AKAP19: variants seen among roughly 807,000 people sequenced by gnomAD.
AKAP19 encodes A-kinase anchoring protein 19, also known as small A-kinase anchoring protein.
At chr2:190,013,347 G>A in the AKAP19 span, among the ~76,000 whole-genome samples, 1 of 152,048 alleles carries the variant, frequency 6.6e-6, no homozygotes, top group African/African-American at 2.4e-5. Context: ...TAGGTTGTAT[G>A]TGTCTAGGAA....
the AKAP19 span, among the ~76,000 whole-genome samples, chr2:189,940,801 G>A: frequency 6.6e-6 from 1 of 152,052 alleles, no homozygotes; most frequent in East Asian, 1.9e-4. Context: ...TGAGGCAGGA[G>A]AGTGGCATGA....
the AKAP19 span, among the ~76,000 whole-genome samples, chr2:190,126,681 G>A: frequency 6.6e-6 from 1 of 151,852 alleles, no homozygotes; most frequent in Admixed American, 6.6e-5. Context: ...CACATTATTA[G>A]GACTTTAGGT....
chr2:189,960,251 GGA>G, the AKAP19 span, among the ~76,000 whole-genome samples: 1 of 152,046 alleles, frequency 6.6e-6, no homozygotes, highest in Admixed American at 6.6e-5. Flanking sequence ...GGTTTCTGAG[GGA>G]GAATATACAT....
At chr2:190,087,151 A>C in the AKAP19 span, among the ~76,000 whole-genome samples, 9 of 152,236 alleles carry the variant, frequency 5.9e-5, no homozygotes, top group Non-Finnish European at 1.0e-4. Context: ...CTTGGGAAAT[A>C]TACAATAACT....
At chr2:190,038,901 T>TTTCCTTC in the AKAP19 span, among the ~76,000 whole-genome samples, 7 of 46,002 alleles carry the variant, frequency 1.5e-4, no homozygotes, top group Non-Finnish European at 2.7e-4. Context: ...TCTTTCTTTC[T>TTTCCTTC]TTCTTCTTCT....
At chr2:189,956,651 T>C in the AKAP19 span, among the ~76,000 whole-genome samples, 1 of 152,330 alleles carries the variant, frequency 6.6e-6, no homozygotes, top group Admixed American at 6.5e-5. Context: ...CAATCATGGC[T>C]TACTGCAGCC....
the AKAP19 span, among the ~76,000 whole-genome samples, chr2:190,111,272 T>C: frequency 6.6e-6 from 1 of 152,080 alleles, no homozygotes; most frequent in Admixed American, 6.5e-5. Context: ...TTGGAACATA[T>C]CTGTTGCTTT....
chr2:190,157,395 T>C, the AKAP19 span, among the ~76,000 whole-genome samples: 3,257 of 24,966 alleles, frequency 0.13, 37 homozygotes, highest in Middle Eastern at 0.29. Flanking sequence ...CACACACACA[T>C]ATCACAGGAT....
At chr2:189,921,373 A>C in the AKAP19 span, among the ~76,000 whole-genome samples, 2 of 152,236 alleles carry the variant, frequency 1.3e-5, no homozygotes. Context: ...CTGAGAGGTC[A>C]AATAAGATGA....
the AKAP19 span, among the ~76,000 whole-genome samples, chr2:190,163,210 G>A: frequency 2.6e-5 from 4 of 151,470 alleles, no homozygotes; most frequent in Middle Eastern, 3.4e-3. Flanking sequence ...CGAGACGGGC[G>A]GATCACGAGG....
the AKAP19 span, among the ~76,000 whole-genome samples, chr2:190,034,049 C>T: frequency 6.6e-6 from 1 of 151,568 alleles, no homozygotes; most frequent in Non-Finnish European, 1.5e-5. Context: ...CAAACCTGCA[C>T]GTTGTGCCCA....
At chr2:190,091,607 A>T in the AKAP19 span, among the ~76,000 whole-genome samples, 1 of 151,066 alleles carries the variant, frequency 6.6e-6, no homozygotes, top group East Asian at 2.0e-4. Context: ...AGGCCATGTA[A>T]TCTACTTTAT....
At chr2:189,992,405 C>G in the AKAP19 span, among the ~76,000 whole-genome samples, 1 of 152,052 alleles carries the variant, frequency 6.6e-6, no homozygotes, top group African/African-American at 2.4e-5. Flanking sequence ...ATAAAAATAC[C>G]ATGCTGTTTT....
the AKAP19 span, among the ~76,000 whole-genome samples, chr2:190,050,975 C>T: frequency 4.6e-5 from 7 of 152,070 alleles, no homozygotes; most frequent in South Asian, 2.1e-4. Context: ...GAGTGGTTCC[C>T]GATGATGTTG....
chr2:189,974,664 G>A, the AKAP19 span, among the ~76,000 whole-genome samples: 1 of 152,188 alleles, frequency 6.6e-6, no homozygotes, highest in Non-Finnish European at 1.5e-5. Context: ...GAATCTGGGT[G>A]CTCCTGTATT....
the AKAP19 span, among the ~76,000 whole-genome samples, chr2:189,966,999 T>G: frequency 2.6e-5 from 4 of 152,216 alleles, no homozygotes; most frequent in East Asian, 7.7e-4. Context: ...CAATTTCCCT[T>G]TCTGCATAGT....
the AKAP19 span, among the ~76,000 whole-genome samples, chr2:189,995,764 G>A: frequency 1.3e-5 from 2 of 151,810 alleles, no homozygotes; most frequent in Admixed American, 1.3e-4. Context: ...TGTATTTCAA[G>A]GTTTTGTTTC....
At chr2:190,163,749 A>G in the AKAP19 span, among the ~76,000 whole-genome samples, 2 of 152,210 alleles carry the variant, frequency 1.3e-5, no homozygotes, top group African/African-American at 2.4e-5. Context: ...ATCTAAATCA[A>G]TGACTTAGTA....
the AKAP19 span, among the ~76,000 whole-genome samples, chr2:189,894,392 T>A: frequency 1.3e-5 from 2 of 152,164 alleles, no homozygotes; most frequent in South Asian, 4.1e-4. Context: ...ATCTTACCTA[T>A]TTCTTCCACA....
Sources: allele counts gnomAD v4.1 joint callset (sites outside exome capture counted in the v4.1 genomes callset), GRCh38; gene constraint gnomAD v4.1.1; transcripts MANE v1.5; gene names NCBI Gene and HGNC (gene_info 2026-07-23, HGNC 2026-07-21).